PEPD: variants seen among roughly 807,000 people sequenced by gnomAD.
The protein encoded by PEPD is xaa-Pro dipeptidase.
Under a neutral mutation model 60.7 loss-of-function variants are expected in PEPD, and 53 were observed. The observed-to-expected ratio is 0.87, with a 90% confidence interval of 0.70 to 1.10. PEPD has a LOEUF of 1.10. Among genes scored for constraint, PEPD ranks in the 50% least tolerant of loss-of-function variants. PEPD has a pLI of 0.00. For synonymous variants in PEPD, 267 were observed against 284.1 expected (o/e 0.94, Z 0.60); for missense variants, 711 against 711.9 (o/e 1.00, Z 0.01).
intron 9 of PEPD, among the ~76,000 whole-genome samples, chr19:33,461,877 C>T (rs549262998): frequency 1.9e-4 from 29 of 152,290 alleles, no homozygotes; most frequent in Admixed American, 2.6e-4. Context: ...GTGTGTTACA[C>T]GGCCCCTCCC....
intron 4 of PEPD, among the ~76,000 whole-genome samples, chr19:33,498,395 A>T (rs1970648119): frequency 6.6e-6 from 1 of 152,170 alleles, no homozygotes; most frequent in Non-Finnish European, 1.5e-5. Flanking sequence ...CTAACACTCA[A>T]GGTGGCCTGT....
chr19:33,457,809 A>C (rs1969832622), intron 9 of PEPD, among the ~76,000 whole-genome samples: 1 of 152,116 alleles, frequency 6.6e-6, no homozygotes, highest in Non-Finnish European at 1.5e-5. Context: ...CACACCCAAC[A>C]CCCAACCAGT....
In PEPD at chr19:33,490,006, C is replaced by T. The variant is rs1185474224; in HGVS notation, c.493G>A (p.Gly165Ser). The change falls in exon 6 of 15, where the codon GGC (glycine) becomes AGC (serine). Residue 165 changes from glycine to serine, a missense_variant. By Grantham distance (56) the Gly-to-Ser change is moderately conservative (BLOSUM62 0). Coordinates refer to ENST00000244137, the MANE Select transcript of PEPD (RefSeq NM_000285.4). ...GSVCREASFDGISKFEVNNTI... is the reference protein window; with the variant it reads ...GSVCREASFDSISKFEVNNTI... ...GGGCCCAGGACTCACTTGCTGATGC[C>T]GTCAAAGGAGGCCTCCCTGCAGACA... is the stretch of plus-strand genomic sequence containing the variant. 9 of 1,606,256 alleles carry T rather than the reference C, an allele frequency of 5.6e-6. No homozygotes were observed. In the East Asian group the frequency reaches 1.1e-4, roughly 20 times the overall value.
intron 11 of PEPD, among the ~76,000 whole-genome samples, chr19:33,403,417 T>C (rs547018382): frequency 3.9e-4 from 60 of 152,282 alleles, no homozygotes; most frequent in African/African-American, 1.4e-3. Flanking sequence ...GGTCCATCTG[T>C]AGCTGGGTGA....
intron 9 of PEPD, among the ~76,000 whole-genome samples, chr19:33,436,809 C>T (rs947977501): frequency 2.0e-5 from 3 of 152,188 alleles, no homozygotes; most frequent in Non-Finnish European, 2.9e-5. Flanking sequence ...TCTCTGGGTG[C>T]GAAGAGAGGC....
chr19:33,462,529 G>A (rs530831877), intron 9 of PEPD, among the ~76,000 whole-genome samples: 212 of 152,342 alleles, frequency 1.4e-3, no homozygotes, highest in Non-Finnish European at 2.4e-3. Flanking sequence ...GGTGCCACTG[G>A]CTCGCTGCAG....
rs146412522 is a variant in PEPD at position 33,398,377 on chromosome 19, T to C, written c.967+3344A>G. 2.0e-3 allele frequency among the ~76,000 whole-genome samples: 306 copies of C among 152,348 alleles called. 1 individual carries two copies. The highest frequency in any genetic ancestry group is 3.3e-3 in the Non-Finnish European group (225 of 68,028). On this transcript the variant is annotated intron_variant, in intron 12 of 14. Transcript: ENST00000244137. Reference sequence around the variant, plus strand: ...ACGACTGCCCGTGGATGTCTGACACTACCACTTGATGTGATGGTGACACAG... The same window carrying C: ...ACGACTGCCCGTGGATGTCTGACACCACCACTTGATGTGATGGTGACACAG...
chr19:33,409,269 C>A (rs768428889), intron 11 of PEPD, among the ~76,000 whole-genome samples: 1 of 152,256 alleles, frequency 6.6e-6, no homozygotes, highest in Non-Finnish European at 1.5e-5. Flanking sequence ...AGAAGTGCCC[C>A]CTGGACTGTG....
At chr19:33,415,754 G>A (rs1387940488) in intron 9 of PEPD, among the ~76,000 whole-genome samples, 4 of 152,188 alleles carry the variant, frequency 2.6e-5, no homozygotes, top group Non-Finnish European at 5.9e-5. Flanking sequence ...CCCGACACTG[G>A]TCACCTTTGC....
chr19:33,448,945 T>G (rs1969645531), intron 9 of PEPD, among the ~76,000 whole-genome samples: 1 of 152,222 alleles, frequency 6.6e-6, no homozygotes. Flanking sequence ...CACCAGTATA[T>G]AAACTCTGGC....
At chr19:33,427,017 C>T (rs1041147615) in intron 9 of PEPD, among the ~76,000 whole-genome samples, 13 of 152,212 alleles carry the variant, frequency 8.5e-5, no homozygotes, top group Admixed American at 2.0e-4. Context: ...CGTGAACTGC[C>T]GACAACCCCT....
chr19:33,484,705 C>T (rs1436398224), intron 6 of PEPD, among the ~76,000 whole-genome samples: 1 of 152,086 alleles, frequency 6.6e-6, no homozygotes, highest in Non-Finnish European at 1.5e-5. Context: ...GATCCACACC[C>T]TGATATACAC....
chr19:33,407,720 G>C (rs1205804816), intron 11 of PEPD, among the ~76,000 whole-genome samples: 1 of 152,230 alleles, frequency 6.6e-6, no homozygotes, highest in Non-Finnish European at 1.5e-5. Context: ...TTGGAGATGG[G>C]GTTCATGGCG....
intron 9 of PEPD, among the ~76,000 whole-genome samples, chr19:33,436,735 G>A (rs1356048968): frequency 6.6e-6 from 1 of 152,234 alleles, no homozygotes; most frequent in African/African-American, 2.4e-5. Flanking sequence ...TCACTGGCCT[G>A]CCCACCCCTG....
chr19:33,448,321 C>T (rs542549902), intron 9 of PEPD, among the ~76,000 whole-genome samples: 2 of 152,278 alleles, frequency 1.3e-5, no homozygotes, highest in South Asian at 2.1e-4. Context: ...CGCCTTCTCA[C>T]GGGCAGAACC....
chr19:33,486,161 G>A (rs987598228), intron 6 of PEPD, among the ~76,000 whole-genome samples: 17 of 152,102 alleles, frequency 1.1e-4, no homozygotes, highest in African/African-American at 4.1e-4. Context: ...GGAGCCAAGT[G>A]TTCCAGGGAG....
Position 33,474,801 on chromosome 19 carries a change from G to A in PEPD, c.548+3245C>T, listed in dbSNP as rs560936956. ...TTCGAGGCCAGCCTGGGCAACACAGGAGACCCCATCTCTACAAAAAACAGA... is the reference window on the plus strand; with the variant it reads ...TTCGAGGCCAGCCTGGGCAACACAGAAGACCCCATCTCTACAAAAAACAGA... On this transcript the variant is annotated intron_variant, in intron 7 of 14. Coordinates refer to ENST00000244137, the MANE Select transcript of PEPD (RefSeq NM_000285.4). Among the ~76,000 whole-genome samples the A allele has an allele frequency of 6.2e-4, 95 of 152,144 alleles. 1 individual carries two copies. The highest frequency in any genetic ancestry group is 3.4e-3 in the Middle Eastern group (1 of 292).
At position 33,480,524 on chromosome 19, in the gene PEPD, C is replaced by T. The variant is rs536981293; in HGVS notation, c.504-2434G>A. On this transcript the variant is annotated intron_variant, in intron 6 of 14. Coordinates refer to ENST00000244137, the MANE Select transcript of PEPD (RefSeq NM_000285.4). ...GAAACAGAAGACCTGAACAAAAACG[C>T]GGTGGCTCACGCCTGTAATCGCAGC... Among the ~76,000 whole-genome samples, 23 of 152,276 alleles carry T rather than the reference C, an allele frequency of 1.5e-4. No homozygotes were observed. The East Asian group carries it at 3.9e-3, about 26-fold the overall frequency.
intron 9 of PEPD, among the ~76,000 whole-genome samples, chr19:33,423,282 C>A (rs1371868276): frequency 6.6e-6 from 1 of 152,254 alleles, no homozygotes; most frequent in Non-Finnish European, 1.5e-5. Context: ...ATGAGCAGCA[C>A]CACAGCCTCT....
Sources: gnomAD v4.1 joint callset for allele counts (sites outside exome capture counted in the v4.1 genomes callset) on GRCh38, gnomAD v4.1.1 for gene constraint, MANE v1.5 for transcripts, NCBI Gene and HGNC (gene_info 2026-07-23, HGNC 2026-07-21) for gene names.